The following CSMD1 variants were observed in gnomAD, a reference collection of about 807,000 sequenced individuals.
The protein encoded by CSMD1 is CUB and sushi domain-containing protein 1.
A neutral mutation model predicts 417.5 loss-of-function variants in CSMD1; 213 were observed. The observed-to-expected ratio is 0.51, with a 90% CI of 0.46 to 0.57. The LOEUF is 0.57. Among genes scored for constraint, CSMD1 ranks in the 20% least tolerant of loss-of-function variants. The pLI is 0.00. For synonymous variants in CSMD1, 2,862 were observed against 1,736.8 expected (o/e 1.65, Z -16.11); for missense variants, 6,923 against 4,529.7 (o/e 1.53, Z -15.17).
intron 1 of CSMD1, among the ~76,000 whole-genome samples, chr8:4,903,024 TA>T (rs67760464): frequency 7.0e-6 from 1 of 141,926 alleles, no homozygotes; most frequent in Non-Finnish European, 1.6e-5. Context: ...AATAAATAAA[TA>T]AATAAATAAA....
chr8:4,225,419 T>A (rs777359931), intron 3 of CSMD1, among the ~76,000 whole-genome samples: 1 of 152,184 alleles, frequency 6.6e-6, no homozygotes, highest in Non-Finnish European at 1.5e-5. Context: ...ATAAGAACAT[T>A]TTCATACATT....
At chr8:3,154,005 C>T (rs1819361572) in intron 39 of CSMD1, among the ~76,000 whole-genome samples, 1 of 152,180 alleles carries the variant, frequency 6.6e-6, no homozygotes, top group African/African-American at 2.4e-5. Flanking sequence ...CTTGCCCTGT[C>T]ACCCAGGCTG....
chr8:4,256,314 G>A (rs1198040735), intron 3 of CSMD1, among the ~76,000 whole-genome samples: 1 of 152,116 alleles, frequency 6.6e-6, no homozygotes, highest in South Asian at 2.1e-4. Context: ...CAACAATTTT[G>A]CAGAAAGACC....
At chr8:3,444,690 G>C (rs940463057) in intron 12 of CSMD1, among the ~76,000 whole-genome samples, 1 of 152,148 alleles carries the variant, frequency 6.6e-6, no homozygotes, top group Non-Finnish European at 1.5e-5. Flanking sequence ...TGAGGCTGAG[G>C]AGGCTATGAA....
At chr8:4,480,617 C>G (rs1391391871) in intron 2 of CSMD1, among the ~76,000 whole-genome samples, 1 of 152,316 alleles carries the variant, frequency 6.6e-6, no homozygotes, top group African/African-American at 2.4e-5. Context: ...GCATGAGAAA[C>G]AAACACGTCT....
intron 11 of CSMD1, among the ~76,000 whole-genome samples, chr8:3,469,996 G>C (rs1301509751): frequency 6.6e-6 from 1 of 152,056 alleles, no homozygotes; most frequent in Non-Finnish European, 1.5e-5. Flanking sequence ...ATTTATTGAA[G>C]TGTAACAAGC....
intron 37 of CSMD1, among the ~76,000 whole-genome samples, chr8:3,175,058 A>G (rs1306150869): frequency 2.6e-5 from 4 of 152,184 alleles, no homozygotes; most frequent in African/African-American, 9.7e-5. Flanking sequence ...GTACTATATC[A>G]CAAAATTATC....
chr8:4,755,321 G>A (rs569056974), intron 1 of CSMD1, among the ~76,000 whole-genome samples: 2 of 152,106 alleles, frequency 1.3e-5, no homozygotes, highest in African/African-American at 4.8e-5. Flanking sequence ...ACAATCTTAT[G>A]TTCACTTTTC....
intron 5 of CSMD1, among the ~76,000 whole-genome samples, chr8:3,874,209 C>A (rs1013224104): frequency 2.0e-5 from 3 of 152,164 alleles, no homozygotes; most frequent in African/African-American, 7.2e-5. Flanking sequence ...AGAAGACCTT[C>A]CTAACCTTCC....
rs36042022 is a variant in CSMD1, at chr8:4,031,952, C to G, written c.563G>C (p.Ser188Thr). Reference sequence around the variant, plus strand: ...GTCCCACGATGCACCATTTCCTGGGCTGACGATGCAGGTCAGGATGGCGTG... The same window carrying G: ...GTCCCACGATGCACCATTTCCTGGGGTGACGATGCAGGTCAGGATGGCGTG... ...EGHAILTCIV[S>T]PGNGASWDFP... The change falls in exon 4 of 70, where the codon AGC becomes ACC. Residue 188 changes from serine (S) to threonine (T), a missense_variant. Ser to Thr is a moderately conservative substitution (Grantham distance 58, BLOSUM62 1). Transcript: ENST00000635120. 1 of 1,613,960 alleles carries G rather than the reference C, an allele frequency of 6.2e-7. No individual in the cohort carries two copies. The highest frequency in any genetic ancestry group is 1.3e-5 in the African/African-American group (1 of 75,052).
chr8:4,277,974 T>C (rs1423079379), intron 3 of CSMD1, among the ~76,000 whole-genome samples: 1 of 152,086 alleles, frequency 6.6e-6, no homozygotes, highest in Non-Finnish European at 1.5e-5. Flanking sequence ...GGTCTTGAAC[T>C]CCTAACCTCG....
chr8:3,693,489 G>A (rs552782609), intron 7 of CSMD1, among the ~76,000 whole-genome samples: 1 of 152,122 alleles, frequency 6.6e-6, no homozygotes. Context: ...GTCAAATTAT[G>A]GCAGCAGGCA....
At chr8:4,158,178 G>T (rs777801950) in intron 3 of CSMD1, among the ~76,000 whole-genome samples, 1 of 150,738 alleles carries the variant, frequency 6.6e-6, no homozygotes, top group Non-Finnish European at 1.5e-5. Context: ...TTTTAGTGAA[G>T]TCTCTCCTTT....
chr8:3,423,344 C>G (rs1023239907), intron 12 of CSMD1, among the ~76,000 whole-genome samples: 1 of 152,172 alleles, frequency 6.6e-6, no homozygotes, highest in East Asian at 1.9e-4. Flanking sequence ...TTCTCCCTTT[C>G]CCTTGCTCCT....
chr8:4,053,438 G>C (rs754553461), intron 3 of CSMD1, among the ~76,000 whole-genome samples: 1 of 151,772 alleles, frequency 6.6e-6, no homozygotes. Flanking sequence ...TTTTATCATG[G>C]TCTCGGTGGG....
intron 26 of CSMD1, among the ~76,000 whole-genome samples, chr8:3,255,388 T>C (rs1483140955): frequency 1.3e-5 from 2 of 152,180 alleles, no homozygotes; most frequent in Non-Finnish European, 2.9e-5. Flanking sequence ...CACTACTCTA[T>C]GTAAAGCTGT....
intron 9 of CSMD1, among the ~76,000 whole-genome samples, chr8:3,579,138 A>C (rs970653139): frequency 7.9e-5 from 12 of 152,310 alleles, no homozygotes; most frequent in South Asian, 2.1e-4. Flanking sequence ...TTTCACTTAC[A>C]TCTTTTCTGT....
chr8:4,895,300 T>A (rs1804408086), intron 1 of CSMD1, among the ~76,000 whole-genome samples: 1 of 152,182 alleles, frequency 6.6e-6, no homozygotes, highest in Admixed American at 6.5e-5. Context: ...TAAGTCCGTA[T>A]GACTTAGTTG....
intron 1 of CSMD1, among the ~76,000 whole-genome samples, chr8:4,987,147 C>G (rs993813872): frequency 6.6e-6 from 1 of 152,152 alleles, no homozygotes; most frequent in Non-Finnish European, 1.5e-5. Context: ...TCAGAATTAC[C>G]TGGGATGGGC....
Sources: gnomAD v4.1 joint callset for allele counts (sites outside exome capture counted in the v4.1 genomes callset) on GRCh38, gnomAD v4.1.1 for gene constraint, MANE v1.5 for transcripts, NCBI Gene and HGNC (gene_info 2026-07-23, HGNC 2026-07-21) for gene names.